OTOF: variants seen among roughly 807,000 people sequenced by gnomAD.
The protein encoded by OTOF is otoferlin, also known as fer-1-like family member 2.
In OTOF, 218 loss-of-function variants were observed where a neutral mutation model predicts 236.8. The ratio of observed to expected loss-of-function variants is 0.92; its 90% CI spans 0.82 to 1.03. OTOF has a LOEUF of 1.03. Among genes scored for constraint, OTOF ranks in the 50% least tolerant of loss-of-function variants. The pLI is 0.00. For synonymous variants in OTOF, 1,041 were observed against 1,072.5 expected (o/e 0.97, Z 0.57); for missense variants, 2,590 against 2,694.4 (o/e 0.96, Z 0.86).
intron 2 of OTOF, 45 bp downstream of exon 2, chr2:26,537,671 C>T (rs902681091): frequency 6.7e-7 from 1 of 1,483,610 alleles, no homozygotes; most frequent in South Asian, 1.2e-5. Context: ...GGCTGTTCCC[C>T]TCTGGGCTCA....
intron 1 of OTOF, among the ~76,000 whole-genome samples, chr2:26,545,534 G>T (rs1667310676): frequency 6.6e-6 from 1 of 152,004 alleles, no homozygotes; most frequent in Non-Finnish European, 1.5e-5. Context: ...GCCAAAGAGA[G>T]TTTCCAATTT....
At chr2:26,523,108 CTCCTGCTG>C (rs1666717434) in intron 3 of OTOF, among the ~76,000 whole-genome samples, 1 of 152,260 alleles carries the variant, frequency 6.6e-6, no homozygotes. Context: ...TGCGAGGCCT[CTCCTGCTG>C]TCCTGGCTCC....
intron 1 of OTOF, among the ~76,000 whole-genome samples, chr2:26,548,807 A>G (rs755211926): frequency 6.6e-6 from 1 of 152,208 alleles, no homozygotes; most frequent in Non-Finnish European, 1.5e-5. Flanking sequence ...AGCTTTGTGT[A>G]AGTACACTCT....
rs907605994 is a variant in OTOF, at chr2:26,477,353, G to T, written c.2406+63C>A. The T allele has an allele frequency of 2.8e-5, 45 of 1,582,060 alleles. No individual in the cohort carries two copies. In the Admixed American group the frequency reaches 5.3e-4, roughly 18 times the overall value. ...GACAGCTCGGGCCATGACAAAGGGG[G>T]TTGTGACACCTTCTCACAACCAGGC... On this transcript the variant is annotated intron_variant, in intron 20 of 46. Transcript: ENST00000272371. This position sits in a 1 kb window ranked among gnomAD's most constrained non-coding sequence, Gnocchi z 4.7.
intron 8 of OTOF, among the ~76,000 whole-genome samples, chr2:26,497,149 C>G (rs1296474753): frequency 7.6e-6 from 1 of 130,914 alleles, no homozygotes; most frequent in Non-Finnish European, 1.6e-5. Flanking sequence ...GTTGCCCCGG[C>G]TGGAGTGCAG....
chr2:26,537,589 G>A (rs941692502), intron 2 of OTOF, 127 bp downstream of exon 2: 4 of 738,432 alleles, frequency 5.4e-6, no homozygotes, highest in Middle Eastern at 3.5e-4. Flanking sequence ...GCAGCTGAGA[G>A]GTGAGGGGCT....
intron 11 of OTOF, among the ~76,000 whole-genome samples, chr2:26,486,465 C>T (rs957644215): frequency 6.6e-6 from 1 of 152,012 alleles, no homozygotes. Flanking sequence ...TGGATGGATA[C>T]AGGGGTAGAT....
intron 2 of OTOF, among the ~76,000 whole-genome samples, chr2:26,532,035 G>A (rs1055180153): frequency 2.1e-5 from 3 of 143,632 alleles, no homozygotes; most frequent in African/African-American, 8.4e-5. Context: ...AGAGGTTGCA[G>A]TGAGCCCAGA....
At chr2:26,501,560 G>A (rs2148077882) in intron 8 of OTOF, among the ~76,000 whole-genome samples, 194 bp downstream of exon 8, 1 of 152,306 alleles carries the variant, frequency 6.6e-6, no homozygotes, top group South Asian at 2.1e-4. Flanking sequence ...TTTTCTTTGG[G>A]TTTGTATCTC....
In OTOF at chr2:26,458,087, G is replaced by C. The variant is rs1288654142; in HGVS notation, c.*151C>G. ...ACCATGTAGCCAGGGAGGCTGTAGA[G>C]GAAGAGCCCCAACATGAGCAGCCCC... On this transcript the variant is annotated 3_prime_UTR_variant, in exon 47 of 47. Transcript: ENST00000272371. 1 of 1,614,190 alleles carries C rather than the reference G, an allele frequency of 6.2e-7. No individual in the cohort carries two copies. The highest frequency in any genetic ancestry group is 1.7e-5 in the Admixed American group (1 of 60,026).
Position 26,482,515 on chromosome 2 carries a change from TGG to T in OTOF, c.1468_1469del (p.Pro490ThrfsTer26). 6.2e-7 allele frequency: 1 copy of T among 1,612,984 alleles called. No homozygotes were observed. Among genetic ancestry groups the T allele is most frequent in the South Asian group, 1.1e-5 (1 of 91,074 alleles). Reference protein sequence around the residue: ...EQVVFTDLFPPLCKRMKVQIR... With the variant: ...EQVVFTDLFPXLCKRMKVQIR... ...TCTGCACCTTCATGCGTTTGCAGAG[TGG>T]GGGGAAGAGGTCTGTAAAGACGACC... On this transcript the variant is annotated frameshift_variant, in exon 14 of 47. Coordinates refer to ENST00000272371, the MANE Select transcript of OTOF (RefSeq NM_194248.3). LOFTEE classifies it high-confidence loss of function.
chr2:26,512,752 G>A (rs1390471618), intron 5 of OTOF, among the ~76,000 whole-genome samples: 3 of 152,156 alleles, frequency 2.0e-5, no homozygotes, highest in Non-Finnish European at 4.4e-5. Context: ...GGTGCTGCTC[G>A]GGGTAGAAGT....
At position 26,472,436 on chromosome 2, in the gene OTOF, G is replaced by A. The variant is rs201874332; in HGVS notation, c.3864+83C>T. 5.1e-5 allele frequency: 80 copies of A among 1,559,434 alleles called. No individual in the cohort carries two copies. The Middle Eastern group carries it at 1.2e-3, about 23-fold the overall frequency. ...GAGGCTCTTAGTGTCCTTTTCTCTC[G>A]GGGCAGATAGTCTGGTTCACAGGAT... is the stretch of plus-strand genomic sequence containing the variant. On this transcript the variant is annotated intron_variant, in intron 30 of 46. Transcript: ENST00000272371.
chr2:26,550,172 TAAAAG>T (rs1667424913), intron 1 of OTOF, among the ~76,000 whole-genome samples: 1 of 150,374 alleles, frequency 6.7e-6, no homozygotes, highest in Non-Finnish European at 1.5e-5. Flanking sequence ...TGCTTTGAAG[TAAAAG>T]AAAATAAAAT....
intron 18 of OTOF, chr2:26,478,109 G>A (rs560630593): frequency 3.4e-5 from 43 of 1,247,176 alleles, no homozygotes; most frequent in Admixed American, 9.5e-5. Context: ...AGATCCTGAC[G>A]TCACTCCAGA....
At position 26,519,016 on chromosome 2, in the gene OTOF, GATAGC is replaced by G. The variant is rs1457920804; in HGVS notation, c.316_320del (p.Ala106HisfsTer15). The G allele has an allele frequency of 6.2e-7, 1 of 1,606,186 alleles. No individual in the cohort carries two copies. Among genetic ancestry groups the G allele is most frequent in the African/African-American group, 1.3e-5 (1 of 74,846 alleles). On this transcript the variant is annotated frameshift_variant, in exon 4 of 47. Coordinates refer to ENST00000272371, the MANE Select transcript of OTOF (RefSeq NM_194248.3). LOFTEE classifies it high-confidence loss of function. ...CTCCGTGGGGCATACCCACCTTGAT[GATAGC>G]ATTGTTGTCATCAATCAGCGTGTCA...
intron 8 of OTOF, among the ~76,000 whole-genome samples, chr2:26,495,289 A>G (rs1260603745): frequency 6.6e-6 from 1 of 152,140 alleles, no homozygotes; most frequent in East Asian, 1.9e-4. Context: ...ATAGAGGAGT[A>G]TGAGTTGGCT....
chr2:26,483,784 T>G, intron 12 of OTOF, 136 bp from the exon 13 acceptor site: 1 of 748,036 alleles, frequency 1.3e-6, no homozygotes, highest in South Asian at 1.8e-5. Flanking sequence ...TAGACACTTG[T>G]GTTCACGGAA....
intron 5 of OTOF, among the ~76,000 whole-genome samples, chr2:26,505,374 T>C (rs1666221675): frequency 6.6e-6 from 1 of 151,890 alleles, no homozygotes; most frequent in East Asian, 1.9e-4. Context: ...TTGGAATTAT[T>C]TTCAAAAGCT....
Sources: allele counts gnomAD v4.1 joint callset (sites outside exome capture counted in the v4.1 genomes callset), GRCh38; gene constraint gnomAD v4.1.1; non-coding constraint Gnocchi (gnomAD v3.1); transcripts MANE v1.5; gene names NCBI Gene and HGNC (gene_info 2026-07-23, HGNC 2026-07-21).